The following PPIE variants were observed in gnomAD, a reference collection of about 807,000 sequenced individuals.
PPIE encodes the protein peptidylprolyl isomerase E, also known as peptidyl-prolyl cis-trans isomerase E.
A neutral mutation model predicts 38.4 loss-of-function variants in PPIE; 20 were observed. The ratio of observed to expected loss-of-function variants is 0.52; its 90% CI spans 0.37 to 0.76. PPIE has a LOEUF of 0.76. Ranked by LOEUF, PPIE falls within the 30% of genes least tolerant of loss-of-function variation. PPIE has a pLI of 0.00. For synonymous variants in PPIE, 142 were observed against 135.7 expected (o/e 1.05, Z -0.32); for missense variants, 322 against 385.8 (o/e 0.83, Z 1.39).
In PPIE at chr1:39,754,912, C is replaced by T; in HGVS notation, c.*1557C>T. The T allele has an allele frequency of 1.5e-6, 1 of 661,868 alleles. No individual in the cohort carries two copies. Among genetic ancestry groups the T allele is most frequent in the Non-Finnish European group, 1.9e-6 (1 of 534,598 alleles). The allele number at this position is 661,868 out of a possible 1,614,324, so 41.0% of individuals were successfully genotyped here. The stretch of plus-strand genomic sequence containing the variant: ...ATCTAGACTAGTGTTTGACTAAAAA[C>T]TGGATACCATGGCCTAGCCAAATTG... On this transcript the variant is annotated 3_prime_UTR_variant, in exon 10 of 10. Transcript: ENST00000324379.
rs573338483 is a variant in PPIE at position 39,745,479 on chromosome 1, T to A, written c.489T>A (p.Asp163Glu). The change falls in exon 7 of 10, where the codon GAT (aspartate) becomes GAA (glutamate). Residue 163 changes from aspartate (D) to glutamate (E), a missense_variant. Coordinates refer to ENST00000324379, the MANE Select transcript of PPIE (RefSeq NM_006112.4). ...AGRIQMLLRSDVVPMTAENFR... is the reference protein window; with the variant it reads ...AGRIQMLLRSEVVPMTAENFR... ...GCATCCAGATGCTCCTGCGTTCTGA[T>A]GTCGTGCCCATGACAGCAGGTGAGC... 2 of 1,614,234 alleles carry A rather than the reference T, an allele frequency of 1.2e-6. No individual in the cohort carries two copies. The highest frequency in any genetic ancestry group is 2.2e-5 in the South Asian group (2 of 91,082).
At chr1:39,739,006 T>G (rs1569617553) in intron 1 of PPIE, 75 bp downstream of exon 1, 1 of 1,353,498 alleles carries the variant, frequency 7.4e-7, no homozygotes, top group Admixed American at 3.6e-5. Flanking sequence ...GTGGGACGCA[T>G]CTCTGAACCA....
In PPIE at chr1:39,748,819, A is replaced by G. The variant is rs542592704; in HGVS notation, c.509-84A>G. On this transcript the variant is annotated intron_variant, in intron 7 of 9. Coordinates refer to ENST00000324379, the MANE Select transcript of PPIE (RefSeq NM_006112.4). ...GTATCTCTTATTTTAAAACAAAAAT[A>G]TGAACACTAAACCAAAGTTTTTTCG... The G allele has an allele frequency of 1.3e-4, 166 of 1,279,256 alleles. 1 individual carries two copies. In the South Asian group the frequency reaches 2.2e-3, roughly 17 times the overall value. 79.2% of individuals were successfully genotyped at this position (1,279,256 alleles called of 1,614,324 possible). A position where few individuals can be genotyped will look rare whatever the true frequency, so the allele number is the denominator to read the frequency against.
Position 39,753,586 on chromosome 1 carries a change from G to A in PPIE, c.*231G>A, listed in dbSNP as rs913437042. On this transcript the variant is annotated 3_prime_UTR_variant, in exon 10 of 10. Coordinates refer to ENST00000324379, the MANE Select transcript of PPIE (RefSeq NM_006112.4). ...AGCTCAGGTGCTCCCCTCCACCATG[G>A]GCAGGCTGTGCAAAAAGCCACTGGC... is the stretch of plus-strand genomic sequence containing the variant. 4 of 1,359,554 alleles carry A rather than the reference G, an allele frequency of 2.9e-6. No individual in the cohort carries two copies. In the African/African-American group the frequency reaches 4.4e-5, roughly 15 times the overall value. The allele number at this position is 1,359,554 out of a possible 1,614,324, so 84.2% of individuals were successfully genotyped here.
intron 1 of PPIE, 176 bp from the exon 2 acceptor site, chr1:39,739,989 G>A (rs756694718): frequency 1.8e-5 from 10 of 559,086 alleles, no homozygotes; most frequent in African/African-American, 1.1e-4. Flanking sequence ...AAAGAAGGGC[G>A]AAGAGAGGAA....
rs1648148957 is a variant in PPIE, at chr1:39,755,313, C to A, written c.*1958C>A. On this transcript the variant is annotated 3_prime_UTR_variant, in exon 10 of 10. Transcript: ENST00000324379. Reference sequence around the variant, plus strand: ...GGAGAGGCTAGGTGGTCCTCATGACCCTAGGATAGCTCTTGCTGAGGGATG... The same window carrying A: ...GGAGAGGCTAGGTGGTCCTCATGACACTAGGATAGCTCTTGCTGAGGGATG... The A allele has an allele frequency of 2.0e-5, 20 of 985,440 alleles. No individual in the cohort carries two copies. The highest frequency in any genetic ancestry group is 2.3e-5 in the Non-Finnish European group (19 of 829,918). 61.0% of individuals were successfully genotyped at this position (985,440 alleles called of 1,614,324 possible). A position where few individuals can be genotyped will look rare whatever the true frequency, so the allele number is the denominator to read the frequency against.
chr1:39,750,661 T>C (rs943561642), intron 8 of PPIE, among the ~76,000 whole-genome samples: 47 of 152,192 alleles, frequency 3.1e-4, no homozygotes, highest in African/African-American at 1.0e-3. Context: ...CTTGACTCCT[T>C]CTTCACTTGG....
At chr1:39,745,064 A>G (rs529688383) in intron 6 of PPIE, among the ~76,000 whole-genome samples, 12 of 152,282 alleles carry the variant, frequency 7.9e-5, no homozygotes, top group African/African-American at 2.6e-4. Flanking sequence ...GGACCAGAAA[A>G]GTGCTGTTCT....
chr1:39,739,732 A>G (rs1647012154), intron 1 of PPIE, among the ~76,000 whole-genome samples: 1 of 152,202 alleles, frequency 6.6e-6, no homozygotes, highest in African/African-American at 2.4e-5. Context: ...CAAGTGGGTC[A>G]TTATTCGGGA....
Position 39,743,928 on chromosome 1 carries a change from A to G in PPIE, c.384+4A>G, listed in dbSNP as rs943649831. On this transcript the variant is annotated splice_donor_region_variant and intron_variant, in intron 6 of 9. Coordinates refer to ENST00000324379, the MANE Select transcript of PPIE (RefSeq NM_006112.4). Reference sequence around the variant, plus strand: ...TCCCAAAGCAGAGACCCAGGAGGTGAGAATGAAGCTCCTGCTTCCAGAGCA... The same window carrying G: ...TCCCAAAGCAGAGACCCAGGAGGTGGGAATGAAGCTCCTGCTTCCAGAGCA... The G allele has an allele frequency of 3.7e-6, 6 of 1,600,744 alleles. No individual in the cohort carries two copies. The African/African-American group carries it at 8.0e-5, about 21-fold the overall frequency.
chr1:39,748,466 G>T lies in PPIE; in HGVS notation c.509-437G>T, dbSNP rs535084103. The stretch of plus-strand genomic sequence containing the variant: ...ATCTCCTATAGTCCTGGCCAGGTGT[G>T]GTGGTTTACACCTGTAATCCCAGCA... On this transcript the variant is annotated intron_variant, in intron 7 of 9. Coordinates refer to ENST00000324379, the MANE Select transcript of PPIE (RefSeq NM_006112.4). 21 of 169,684 alleles carry T rather than the reference G, an allele frequency of 1.2e-4. No homozygotes were observed. The East Asian group carries it at 2.3e-3, about 19-fold the overall frequency. 10.5% of individuals were successfully genotyped at this position (169,684 alleles called of 1,614,324 possible).
At chr1:39,751,766 A>G (rs1647755282) in intron 8 of PPIE, among the ~76,000 whole-genome samples, 1 of 151,932 alleles carries the variant, frequency 6.6e-6, no homozygotes, top group East Asian at 1.9e-4. Context: ...TGCCAGTAGC[A>G]CCCCCACAAT....
At chr1:39,745,089 A>G (rs1323686382) in intron 6 of PPIE, among the ~76,000 whole-genome samples, 2 of 152,190 alleles carry the variant, frequency 1.3e-5, no homozygotes, top group Non-Finnish European at 2.9e-5. Flanking sequence ...CTGTGAAGCA[A>G]GAGGAGGAAG....
At chr1:39,763,150 C>T in intron 9 of PPIE, 2 of 1,613,986 alleles carry the variant, frequency 1.2e-6, no homozygotes, top group Non-Finnish European at 1.7e-6. Flanking sequence ...TGGGAAGGAG[C>T]ACTCCCCCTC....
intron 8 of PPIE, among the ~76,000 whole-genome samples, chr1:39,751,975 C>T (rs900592548): frequency 8.6e-5 from 13 of 152,030 alleles, no homozygotes; most frequent in African/African-American, 1.2e-4. Flanking sequence ...TGGTGGTGCA[C>T]GCCTGTAGTC....
At chr1:39,760,286 T>C, downstream of PPIE, 2 of 1,383,176 alleles carry the variant, frequency 1.4e-6, no homozygotes, top group South Asian at 2.7e-5. Context: ...GGAGAAAGGG[T>C]CATGTACGTG....
chr1:39,742,973 T>C (rs1647099361), intron 4 of PPIE: 1 of 350,860 alleles, frequency 2.9e-6, no homozygotes. Context: ...TTTTGTAATT[T>C]TGGAGTGTTC....
rs924331163 is a variant in PPIE at position 39,751,066 on chromosome 1, C to G, written c.695-1844C>G. On this transcript the variant is annotated intron_variant, in intron 8 of 9. Coordinates refer to ENST00000324379, the MANE Select transcript of PPIE (RefSeq NM_006112.4). ...TTATTCAGGCGTCTGCCCCTGTACT[C>G]AAACGCAGCAGTTAGAAATGCAGAC... Among the ~76,000 whole-genome samples the G allele has an allele frequency of 4.1e-4, 63 of 152,248 alleles. 2 individuals are homozygous for G. Among genetic ancestry groups the G allele is most frequent in the South Asian group, 2.1e-4 (1 of 4,836 alleles).
downstream of PPIE, chr1:39,760,619 A>G (rs542334217): frequency 2.5e-6 from 4 of 1,585,130 alleles, no homozygotes; most frequent in African/African-American, 2.7e-5. Flanking sequence ...GGCCTCCTCC[A>G]AGGACCCACC....
Sources: gnomAD v4.1 joint callset for allele counts (sites outside exome capture counted in the v4.1 genomes callset) on GRCh38, gnomAD v4.1.1 for gene constraint, MANE v1.5 for transcripts, NCBI Gene and HGNC (gene_info 2026-07-23, HGNC 2026-07-21) for gene names.